CRBN: variants seen among roughly 807,000 people sequenced by gnomAD.
CRBN encodes the protein protein cereblon.
In CRBN, 53 loss-of-function variants were observed where a neutral mutation model predicts 62.2. The observed-to-expected ratio is 0.85, with a 90% confidence interval of 0.68 to 1.07. CRBN has a LOEUF of 1.07. Ranked by LOEUF, CRBN falls within the 50% of genes least tolerant of loss-of-function variation. The pLI is 0.00. For synonymous variants in CRBN, 208 were observed against 176.1 expected (o/e 1.18, Z -1.43); for missense variants, 616 against 531.1 (o/e 1.16, Z -1.57).
chr3:3,149,772 C>G (rs1217435899), downstream of CRBN: 3 of 152,112 alleles, frequency 2.0e-5, no homozygotes, highest in East Asian at 5.8e-4. Flanking sequence ...CAACTGATTT[C>G]ACTCCACCTT....
intron 10 of CRBN, 44 bp from the exon 11 acceptor site, chr3:3,151,089 A>T: frequency 1.3e-6 from 2 of 1,594,874 alleles, no homozygotes; most frequent in South Asian, 2.2e-5. Context: ...ACATTTCTGT[A>T]CTCCAAGCCT....
At chr3:3,164,941 T>A (rs1219341750) in intron 5 of CRBN, among the ~76,000 whole-genome samples, 2 of 152,348 alleles carry the variant, frequency 1.3e-5, no homozygotes, top group East Asian at 3.9e-4. Flanking sequence ...GTCACCATTC[T>A]AGGTGCCATT....
intron 6 of CRBN, chr3:3,155,232 A>T (rs1302916712): frequency 1.1e-5 from 2 of 173,994 alleles, no homozygotes; most frequent in South Asian, 3.0e-4. Flanking sequence ...TATTTACTAC[A>T]TAATTTTCAC....
chr3:3,172,946 G>A, intron 3 of CRBN, 21 bp from the exon 4 acceptor site: 1 of 1,608,008 alleles, frequency 6.2e-7, no homozygotes, highest in Non-Finnish European at 8.5e-7. Context: ...AATTTTAAAA[G>A]GAAAGAATTT....
At chr3:3,160,504 C>T (rs1338577640) in intron 5 of CRBN, among the ~76,000 whole-genome samples, 1 of 152,156 alleles carries the variant, frequency 6.6e-6, no homozygotes, top group African/African-American at 2.4e-5. Flanking sequence ...ATGGCAGATA[C>T]ACAAGTGTAC....
intron 3 of CRBN, among the ~76,000 whole-genome samples, chr3:3,173,589 C>T (rs1160638990): frequency 6.6e-6 from 1 of 152,118 alleles, no homozygotes; most frequent in African/African-American, 2.4e-5. Flanking sequence ...TATGTATTTC[C>T]TGCCTCTACC....
At position 3,150,552 on chromosome 3, in the gene CRBN, T is replaced by C; in HGVS notation, c.*313A>G. 4.4e-6 allele frequency: 1 copy of C among 225,772 alleles called. No individual in the cohort carries two copies. Among genetic ancestry groups the C allele is most frequent in the Admixed American group, 5.3e-5 (1 of 18,976 alleles). 14.0% of individuals were successfully genotyped at this position (225,772 alleles called of 1,614,324 possible). ...TTTTTTAACACAGGAAATAATCTCA[T>C]CATTTCCAAAGATGTCTTCATGTCC... On this transcript the variant is annotated 3_prime_UTR_variant, in exon 11 of 11. Coordinates refer to ENST00000231948, the MANE Select transcript of CRBN (RefSeq NM_016302.4).
chr3:3,165,966 C>A (rs755368570), intron 5 of CRBN, among the ~76,000 whole-genome samples: 2 of 152,186 alleles, frequency 1.3e-5, no homozygotes, highest in African/African-American at 2.4e-5. Flanking sequence ...ACAGTGATCA[C>A]TGACATACTT....
At chr3:3,155,466 C>T (rs1429053721) in intron 6 of CRBN, 1 of 153,080 alleles carries the variant, frequency 6.5e-6, no homozygotes, top group East Asian at 1.9e-4. Flanking sequence ...ATATCCATTT[C>T]ATAGGTCCTT....
intron 5 of CRBN, among the ~76,000 whole-genome samples, chr3:3,159,750 T>C (rs976458293): frequency 3.3e-5 from 5 of 152,166 alleles, no homozygotes; most frequent in African/African-American, 1.2e-4. Flanking sequence ...AAGAGACATA[T>C]ACCAGAACAG....
chr3:3,153,866 G>A (rs1706750416), intron 8 of CRBN, 94 bp downstream of exon 8: 3 of 773,230 alleles, frequency 3.9e-6, no homozygotes, highest in Non-Finnish European at 7.0e-6. Context: ...TACATTACTG[G>A]ACTCTATACA....
At position 3,154,066 on chromosome 3, in the gene CRBN, TA is replaced by T; in HGVS notation, c.844del (p.Tyr282ThrfsTer3). On this transcript the variant is annotated frameshift_variant, in exon 8 of 11. Coordinates refer to ENST00000231948, the MANE Select transcript of CRBN (RefSeq NM_016302.4). LOFTEE classifies it high-confidence loss of function. ...AATAGGAAGACAAGCAGCTACTCTGTAAGAAAAATCTTCAAGACATGGTTTT... is the reference window on the plus strand; with the variant it reads ...AATAGGAAGACAAGCAGCTACTCTGTAGAAAAATCTTCAAGACATGGTTTT... ...SLPSNPIDFSYRVAACLPIDD... is the reference protein window; with the variant it reads ...SLPSNPIDFSXRVAACLPIDD... 1 of 1,607,632 alleles carries T rather than the reference TA, an allele frequency of 6.2e-7. No homozygotes were observed. The highest frequency in any genetic ancestry group is 2.2e-5 in the East Asian group (1 of 44,834).
chr3:3,158,938 A>G (rs1262752464), intron 5 of CRBN, among the ~76,000 whole-genome samples: 1 of 152,172 alleles, frequency 6.6e-6, no homozygotes, highest in East Asian at 1.9e-4. Context: ...TCATGGGGAC[A>G]GTTACTGCCA....
chr3:3,160,734 G>C (rs1229471363), intron 5 of CRBN, among the ~76,000 whole-genome samples: 2 of 152,206 alleles, frequency 1.3e-5, no homozygotes, highest in African/African-American at 4.8e-5. Flanking sequence ...AAAGCAGTGA[G>C]GGGCTTACCA....
chr3:3,176,744 G>C (rs1018570062), intron 1 of CRBN, among the ~76,000 whole-genome samples: 1 of 152,102 alleles, frequency 6.6e-6, no homozygotes, highest in African/African-American at 2.4e-5. Flanking sequence ...TCAAAAGAAA[G>C]AAACAAAGAA....
chr3:3,154,057 G>A lies in CRBN; in HGVS notation c.854C>T (p.Ala285Val). Residue 285 changes from alanine to valine, a missense_variant, in exon 8 of 11, where the codon GCT becomes GTT. Ala to Val is a moderately conservative substitution (Grantham distance 64). Coordinates refer to ENST00000231948, the MANE Select transcript of CRBN (RefSeq NM_016302.4). ...TACATCATCAATAGGAAGACAAGCAGCTACTCTGTAAGAAAAATCTTCAAG... is the reference window on the plus strand; with the variant it reads ...TACATCATCAATAGGAAGACAAGCAACTACTCTGTAAGAAAAATCTTCAAG... ...SNPIDFSYRV[A>V]ACLPIDDVLR... 6.2e-7 allele frequency: 1 copy of A among 1,611,762 alleles called. No homozygotes were observed. Among genetic ancestry groups the A allele is most frequent in the Non-Finnish European group, 8.5e-7 (1 of 1,177,862 alleles).
intron 5 of CRBN, among the ~76,000 whole-genome samples, chr3:3,160,312 AGTG>A (rs1267333616): frequency 3.3e-5 from 5 of 152,270 alleles, no homozygotes; most frequent in Admixed American, 1.3e-4. Context: ...AGTGACTAAA[AGTG>A]GTCACTTATT....
chr3:3,176,275 C>T (rs934232918), intron 1 of CRBN, among the ~76,000 whole-genome samples: 1 of 152,192 alleles, frequency 6.6e-6, no homozygotes, highest in African/African-American at 2.4e-5. Context: ...AACAAGTCAA[C>T]CTCTAACGTT....
chr3:3,152,239 G>A (rs1706613021), intron 10 of CRBN, among the ~76,000 whole-genome samples: 1 of 150,682 alleles, frequency 6.6e-6, no homozygotes, highest in African/African-American at 2.4e-5. Context: ...CAACACTCTT[G>A]CCTTCCAGGT....
Sources: allele counts gnomAD v4.1 joint callset (sites outside exome capture counted in the v4.1 genomes callset), GRCh38; gene constraint gnomAD v4.1.1; transcripts MANE v1.5; gene names NCBI Gene and HGNC (gene_info 2026-07-23, HGNC 2026-07-21).